ENOX2: variants seen among roughly 807,000 people sequenced by gnomAD.
ENOX2 encodes the protein APK1 antigen.
Under a neutral mutation model 45.0 loss-of-function variants are expected in ENOX2, and 36 were observed. That is an observed-to-expected ratio of 0.80 (90% confidence interval 0.61 to 1.06). The LOEUF (loss-of-function observed/expected upper bound fraction) is 1.06. Among genes scored for constraint, ENOX2 ranks in the 50% least tolerant of loss-of-function variants. The pLI is 0.00. For synonymous variants in ENOX2, 174 were observed against 152.3 expected, an observed-to-expected ratio of 1.14 and a Z score of -1.05; for missense variants, 423 against 462.5, an observed-to-expected ratio of 0.91 and a Z score of 0.78.
chrX:130,669,692 A>C (rs1297146172), intron 7 of ENOX2, among the ~76,000 whole-genome samples: 1 of 112,082 alleles, frequency 8.9e-6, no homozygotes, highest in East Asian at 2.8e-4. Flanking sequence ...GTGGAAAGTG[A>C]GGAAAACTTG....
intron 3 of ENOX2, among the ~76,000 whole-genome samples, chrX:130,764,078 G>C (rs1350738330): frequency 9.0e-6 from 1 of 110,910 alleles, no homozygotes; most frequent in African/African-American, 3.3e-5. Context: ...AAATCTCCGA[G>C]TATGAGATAT....
chrX:130,778,068 A>G (rs1179006832), intron 3 of ENOX2, among the ~76,000 whole-genome samples: 1 of 111,943 alleles, frequency 8.9e-6, no homozygotes, highest in Non-Finnish European at 1.9e-5. Context: ...TTTAAAAACA[A>G]TCAACGCTTT....
At chrX:130,659,609 T>C (rs1281435510) in intron 9 of ENOX2, among the ~76,000 whole-genome samples, 1 of 112,730 alleles carries the variant, frequency 8.9e-6, no homozygotes, top group Non-Finnish European at 1.9e-5. Context: ...AAGGTGATTA[T>C]AATGAAGTTT....
intron 12 of ENOX2, among the ~76,000 whole-genome samples, chrX:130,634,773 T>C (rs1245744150): frequency 9.0e-6 from 1 of 111,154 alleles, no homozygotes; most frequent in African/African-American, 3.3e-5. Context: ...TTGAAAGGTG[T>C]ACACTCCAGA....
At chrX:130,686,698 A>T (rs139272792) in intron 5 of ENOX2, among the ~76,000 whole-genome samples, 114 of 111,963 alleles carry the variant, frequency 1.0e-3, no homozygotes, top group Middle Eastern at 4.6e-3. Context: ...GCCACCAACA[A>T]CAATGTCACT....
chrX:130,832,944 CAGAT>C (rs923632637), intron 2 of ENOX2, among the ~76,000 whole-genome samples: 6 of 107,758 alleles, frequency 5.6e-5, no homozygotes, highest in Admixed American at 2.0e-4. Flanking sequence ...ACTGGTGGGC[CAGAT>C]AAACATAAGA....
chrX:130,779,455 A>G (rs1304041375), intron 3 of ENOX2, among the ~76,000 whole-genome samples: 4 of 111,626 alleles, frequency 3.6e-5, no homozygotes, highest in African/African-American at 9.8e-5. Flanking sequence ...TGGGCACTTA[A>G]GAAATCTCAG....
chrX:130,638,066 CCTTT>C (rs1387180980), intron 10 of ENOX2, among the ~76,000 whole-genome samples: 1 of 105,550 alleles, frequency 9.5e-6, no homozygotes, highest in African/African-American at 3.7e-5. Flanking sequence ...TTCCTTCCTT[CCTTT>C]TTTTTTTTTC....
chrX:130,899,861 T>C (rs764514252), intron 2 of ENOX2, among the ~76,000 whole-genome samples: 1 of 112,385 alleles, frequency 8.9e-6, no homozygotes, highest in South Asian at 3.7e-4. Context: ...CCATACAATA[T>C]AAAGGACAAG....
At chrX:130,799,236 TG>T (rs773461458) in intron 2 of ENOX2, among the ~76,000 whole-genome samples, 102 of 111,917 alleles carry the variant, frequency 9.1e-4, no homozygotes, top group Non-Finnish European at 1.4e-3. Flanking sequence ...TCTCCTGTAC[TG>T]GATGCTTCCT....
chrX:130,791,889 AT>A (rs1281969583), intron 2 of ENOX2, among the ~76,000 whole-genome samples: 1 of 112,238 alleles, frequency 8.9e-6, no homozygotes, highest in East Asian at 2.8e-4. Context: ...AGAGAATACT[AT>A]AAAAGAGATC....
At chrX:130,685,759 T>TGAG (rs1209636802) in intron 5 of ENOX2, among the ~76,000 whole-genome samples, 1 of 111,026 alleles carries the variant, frequency 9.0e-6, no homozygotes, top group Non-Finnish European at 1.9e-5. Context: ...GAGGAGAGTG[T>TGAG]GAGGAGTATG....
chrX:130,786,131 G>T (rs1042534071), intron 2 of ENOX2, among the ~76,000 whole-genome samples: 2 of 112,925 alleles, frequency 1.8e-5, no homozygotes, highest in African/African-American at 6.4e-5. Flanking sequence ...GCGCCCAAAT[G>T]AATTAATCCT....
rs184656957 is a variant in ENOX2, at chrX:130,677,061, C to T, written c.460+2481G>A. 5.4e-5 allele frequency among the ~76,000 whole-genome samples: 6 copies of T among 111,880 alleles called. No homozygotes were observed. The East Asian group carries it at 1.4e-3, about 26-fold the overall frequency. ...CCTGAATGTTTGCCAAAGCTTACCA[C>T]CTTTGTACTTTTGCTCATGCTGTTT... On this transcript the variant is annotated intron_variant, in intron 6 of 14. Transcript: ENST00000394363.
At chrX:130,742,476 T>C (rs1268934965) in intron 3 of ENOX2, among the ~76,000 whole-genome samples, 3 of 109,988 alleles carry the variant, frequency 2.7e-5, no homozygotes, top group African/African-American at 9.9e-5. Context: ...GGCTCTCTAC[T>C]TGACCATGTC....
intron 2 of ENOX2, among the ~76,000 whole-genome samples, chrX:130,876,302 A>C (rs894097556): frequency 8.9e-6 from 1 of 112,282 alleles, no homozygotes; most frequent in African/African-American, 3.2e-5. Flanking sequence ...TATAACACAG[A>C]TTAACCTTGA....
At chrX:130,831,037 A>G (rs1414630213) in intron 2 of ENOX2, among the ~76,000 whole-genome samples, 3 of 111,788 alleles carry the variant, frequency 2.7e-5, no homozygotes, top group Non-Finnish European at 1.9e-5. Context: ...ACACGGCTGA[A>G]GGGCAGAAGG....
chrX:130,822,760 TA>T (rs1309159606), intron 2 of ENOX2, among the ~76,000 whole-genome samples: 1 of 110,685 alleles, frequency 9.0e-6, no homozygotes, highest in Non-Finnish European at 1.9e-5. Context: ...ACATGTACCC[TA>T]AAACTTAAAG....
At chrX:130,684,211 T>C (rs1296430824) in intron 5 of ENOX2, among the ~76,000 whole-genome samples, 1 of 112,532 alleles carries the variant, frequency 8.9e-6, no homozygotes, top group Non-Finnish European at 1.9e-5. Flanking sequence ...TAGAGAATCA[T>C]AACTTTAGAG....
Sources: gnomAD v4.1 joint callset for allele counts (sites outside exome capture counted in the v4.1 genomes callset) on GRCh38, gnomAD v4.1.1 for gene constraint, MANE v1.5 for transcripts, NCBI Gene and HGNC (gene_info 2026-07-23, HGNC 2026-07-21) for gene names.